ATE1: variants seen among roughly 807,000 people sequenced by gnomAD.
ATE1 encodes the protein arginyl-tRNA--protein transferase 1.
Under a neutral mutation model 70.5 loss-of-function variants are expected in ATE1, and 36 were observed. The observed-to-expected ratio is 0.51, with a 90% CI of 0.39 to 0.67. The LOEUF is 0.67. Ranked by LOEUF, ATE1 falls within the 30% of genes least tolerant of loss-of-function variation. The pLI, the probability that ATE1 is intolerant of heterozygous loss-of-function variation, is 0.00. For synonymous variants in ATE1, 232 were observed against 219.3 expected (o/e 1.06, Z -0.51); for missense variants, 593 against 629.5 (o/e 0.94, Z 0.62).
intron 10 of ATE1, among the ~76,000 whole-genome samples, chr10:121,836,299 T>A (rs942344155): frequency 1.3e-5 from 2 of 152,278 alleles, no homozygotes; most frequent in Admixed American, 6.5e-5. Flanking sequence ...AGAAGATCCA[T>A]GCAACTTCAG....
At chr10:121,797,420 C>A (rs1045770803) in intron 10 of ATE1, among the ~76,000 whole-genome samples, 2 of 152,106 alleles carry the variant, frequency 1.3e-5, no homozygotes, top group Non-Finnish European at 2.9e-5. Context: ...ACAAGCATCA[C>A]CACTATCAGA....
intron 11 of ATE1, among the ~76,000 whole-genome samples, chr10:121,752,527 C>CA (rs1180425727): frequency 2.0e-5 from 3 of 152,150 alleles, no homozygotes; most frequent in Non-Finnish European, 4.4e-5. Flanking sequence ...CCGCACCTGG[C>CA]ATTTCTACGA....
At chr10:121,835,822 T>C (rs1341654856) in intron 10 of ATE1, among the ~76,000 whole-genome samples, 3 of 152,166 alleles carry the variant, frequency 2.0e-5, no homozygotes, top group South Asian at 4.1e-4. Context: ...ATGAAATAAA[T>C]GCATGAAAAT....
chr10:121,783,939 G>A (rs1359260717), intron 11 of ATE1, among the ~76,000 whole-genome samples: 1 of 152,042 alleles, frequency 6.6e-6, no homozygotes, highest in Non-Finnish European at 1.5e-5. Context: ...AGGCTGAGGT[G>A]CAGTGGCGCG....
At chr10:121,760,332 T>A (rs1249313227) in intron 11 of ATE1, among the ~76,000 whole-genome samples, 1 of 152,216 alleles carries the variant, frequency 6.6e-6, no homozygotes, top group Non-Finnish European at 1.5e-5. Context: ...GCAAAGTAAA[T>A]AGAAAACCTT....
At chr10:121,920,319 G>T (rs916772215) in intron 3 of ATE1, among the ~76,000 whole-genome samples, 2 of 151,754 alleles carry the variant, frequency 1.3e-5, no homozygotes, top group Non-Finnish European at 2.9e-5. Context: ...GATCAGCCTA[G>T]GAAACATGGT....
chr10:121,771,194 C>T (rs1414933981), intron 11 of ATE1, among the ~76,000 whole-genome samples: 1 of 152,190 alleles, frequency 6.6e-6, no homozygotes, highest in African/African-American at 2.4e-5. Context: ...TCTCAGCCTC[C>T]CAAGTAGCTG....
intron 8 of ATE1, among the ~76,000 whole-genome samples, chr10:121,844,056 T>A (rs1328034514): frequency 6.6e-6 from 1 of 152,192 alleles, no homozygotes; most frequent in Non-Finnish European, 1.5e-5. Flanking sequence ...ATCCAAAATA[T>A]ACAAAGACTT....
intron 5 of ATE1, among the ~76,000 whole-genome samples, chr10:121,904,266 G>A (rs1031353379): frequency 6.6e-6 from 1 of 151,816 alleles, no homozygotes; most frequent in African/African-American, 2.4e-5. Context: ...ACGGGCGTGA[G>A]CCACCGCACC....
intron 10 of ATE1, among the ~76,000 whole-genome samples, chr10:121,827,407 C>G (rs1025125353): frequency 2.0e-5 from 3 of 152,284 alleles, no homozygotes; most frequent in Non-Finnish European, 4.4e-5. Flanking sequence ...CAGCCACCAC[C>G]TTGGAACTGT....
chr10:121,911,217 A>G, intron 4 of ATE1, 66 bp from the exon 5 acceptor site: 1 of 1,544,610 alleles, frequency 6.5e-7, no homozygotes, highest in East Asian at 2.3e-5. Context: ...TAAATACAGA[A>G]ATACAATGTT....
rs1383621958 is a variant in ATE1, at chr10:121,898,266, G to A, written c.942+1600C>T. On this transcript the variant is annotated intron_variant, in intron 7 of 11. Transcript: ENST00000224652. ...TTTCAACTTTACAATGATGGAAAACGATTCCGTTTTTCACTTTCAGTACAG... is the reference window on the plus strand; with the variant it reads ...TTTCAACTTTACAATGATGGAAAACAATTCCGTTTTTCACTTTCAGTACAG... Among the ~76,000 whole-genome samples the A allele has an allele frequency of 2.6e-5, 4 of 152,112 alleles. 1 individual carries two copies. The highest frequency in any genetic ancestry group is 2.1e-4 in the South Asian group (1 of 4,828).
At chr10:121,828,226 A>C (rs541659402) in intron 10 of ATE1, among the ~76,000 whole-genome samples, 1 of 152,354 alleles carries the variant, frequency 6.6e-6, no homozygotes, top group Admixed American at 6.5e-5. Flanking sequence ...ACTCAGTTCA[A>C]TTCAAGACAT....
intron 11 of ATE1, among the ~76,000 whole-genome samples, chr10:121,783,906 G>T (rs529641196): frequency 6.6e-6 from 1 of 151,824 alleles, no homozygotes; most frequent in East Asian, 1.9e-4. Context: ...TCGGTTTTGA[G>T]ACAGGGTCTT....
chr10:121,906,745 C>T (rs1951211274), intron 5 of ATE1, among the ~76,000 whole-genome samples: 3 of 151,922 alleles, frequency 2.0e-5, no homozygotes, highest in Admixed American at 6.6e-5. Context: ...ATTTCCGACA[C>T]GCACCTCTAC....
chr10:121,836,059 C>G, intron 10 of ATE1, among the ~76,000 whole-genome samples: 1 of 152,260 alleles, frequency 6.6e-6, no homozygotes, highest in Non-Finnish European at 1.5e-5. Context: ...CTTTCCTCTA[C>G]AAATACATCA....
chr10:121,815,236 C>T (rs34872768), intron 10 of ATE1, among the ~76,000 whole-genome samples: 24,637 of 152,146 alleles, frequency 0.16, 2,615 homozygotes, highest in Middle Eastern at 0.24. Context: ...CCCGGGTTCA[C>T]GCCATTCTCC....
chr10:121,862,665 C>T (rs760822978), intron 8 of ATE1, among the ~76,000 whole-genome samples: 11 of 150,662 alleles, frequency 7.3e-5, no homozygotes, highest in Non-Finnish European at 1.3e-4. Context: ...TGAGCTAACG[C>T]GCCAGGCCTC....
intron 3 of ATE1, among the ~76,000 whole-genome samples, chr10:121,915,785 G>A (rs898807362): frequency 6.6e-6 from 1 of 151,448 alleles, no homozygotes; most frequent in Admixed American, 6.6e-5. Flanking sequence ...CAGCTACTTG[G>A]GAGGCTGAGG....
Sources: allele counts gnomAD v4.1 joint callset (sites outside exome capture counted in the v4.1 genomes callset), GRCh38; gene constraint gnomAD v4.1.1; transcripts MANE v1.5; gene names NCBI Gene and HGNC (gene_info 2026-07-23, HGNC 2026-07-21).